ACOT12: variants seen among roughly 807,000 people sequenced by gnomAD.
ACOT12 encodes acetyl-coenzyme A thioesterase.
In ACOT12, 51 loss-of-function variants were observed where a neutral mutation model predicts 67.7. That is an observed-to-expected ratio of 0.75 (90% confidence interval 0.60 to 0.95). The LOEUF is 0.95. ACOT12 is among the 40% of genes least tolerant of loss of function. ACOT12 has a pLI of 0.00. For synonymous variants in ACOT12, 251 were observed against 244.6 expected (o/e 1.03, Z -0.24); for missense variants, 734 against 708.1 (o/e 1.04, Z -0.41).
At chr5:81,328,741 G>T (rs936461798), downstream of ACOT12, among the ~76,000 whole-genome samples, 9 of 152,132 alleles carry the variant, frequency 5.9e-5, no homozygotes, top group Admixed American at 3.3e-4. Flanking sequence ...TTTAAAAAAG[G>T]GGTAGAAGGG....
chr5:81,316,258 G>C, the ACOT12 span, among the ~76,000 whole-genome samples: 1 of 152,140 alleles, frequency 6.6e-6, no homozygotes, highest in Non-Finnish European at 1.5e-5. Flanking sequence ...TTAATTCCAG[G>C]ACATGTTATC....
At chr5:81,321,681 C>T in the ACOT12 span, among the ~76,000 whole-genome samples, 1 of 152,130 alleles carries the variant, frequency 6.6e-6, no homozygotes, top group East Asian at 1.9e-4. Context: ...TGCAGTGGCT[C>T]ACGCCTATAA....
At chr5:81,374,028 G>A (rs953701438) in intron 2 of ACOT12, among the ~76,000 whole-genome samples, 1 of 152,192 alleles carries the variant, frequency 6.6e-6, no homozygotes, top group African/African-American at 2.4e-5. Context: ...CCAGACCCCC[G>A]TGTATCCTGA....
intron 5 of ACOT12, among the ~76,000 whole-genome samples, chr5:81,349,158 A>C (rs1759477574): frequency 6.6e-6 from 1 of 152,206 alleles, no homozygotes; most frequent in African/African-American, 2.4e-5. Flanking sequence ...CGGCATAGTC[A>C]CATCTGGTGA....
chr5:81,382,659 G>C (rs1350057125), intron 2 of ACOT12, among the ~76,000 whole-genome samples: 3 of 152,042 alleles, frequency 2.0e-5, no homozygotes, highest in Non-Finnish European at 4.4e-5. Context: ...AAATTAGCTG[G>C]GTGTTGTGGC....
At chr5:81,349,553 C>T (rs1326596162) in intron 5 of ACOT12, among the ~76,000 whole-genome samples, 1 of 152,182 alleles carries the variant, frequency 6.6e-6, no homozygotes, top group Non-Finnish European at 1.5e-5. Context: ...TTGGTCATTA[C>T]TTCCTCAGTG....
chr5:81,355,094 T>A (rs915970901), intron 5 of ACOT12, among the ~76,000 whole-genome samples: 5 of 152,188 alleles, frequency 3.3e-5, no homozygotes, highest in Non-Finnish European at 1.5e-5. Context: ...GGCTATTTCT[T>A]TCATCCTTTA....
chr5:81,372,588 G>C (rs1760287482), intron 2 of ACOT12, among the ~76,000 whole-genome samples: 1 of 152,102 alleles, frequency 6.6e-6, no homozygotes, highest in South Asian at 2.1e-4. Flanking sequence ...CATCAGCTCT[G>C]TTCTCTTTTC....
intron 3 of ACOT12, among the ~76,000 whole-genome samples, chr5:81,365,341 A>G (rs1240490482): frequency 1.3e-5 from 2 of 152,240 alleles, no homozygotes; most frequent in African/African-American, 4.8e-5. Context: ...AATGCAAATT[A>G]GTATTTACAT....
downstream of ACOT12, among the ~76,000 whole-genome samples, chr5:81,327,790 A>G (rs1758710075): frequency 6.6e-6 from 1 of 152,214 alleles, no homozygotes; most frequent in African/African-American, 2.4e-5. Flanking sequence ...GAAGCACTTG[A>G]AAACCCTTAC....
At chr5:81,339,948 C>T (rs1759135995) in intron 11 of ACOT12, among the ~76,000 whole-genome samples, 2 of 151,906 alleles carry the variant, frequency 1.3e-5, no homozygotes, top group Non-Finnish European at 2.9e-5. Context: ...TGGCCTCAAA[C>T]TCCTAGGCTC....
chr5:81,325,141 T>C (rs1358585225), downstream of ACOT12, among the ~76,000 whole-genome samples: 1 of 152,160 alleles, frequency 6.6e-6, no homozygotes, highest in African/African-American at 2.4e-5. Flanking sequence ...ATTTCATCCA[T>C]TATAACAGAA....
intron 14 of ACOT12, 55 bp downstream of exon 14, chr5:81,330,759 G>A (rs1336029332): frequency 6.3e-7 from 1 of 1,591,730 alleles, no homozygotes; most frequent in Non-Finnish European, 8.5e-7. Context: ...TAAATTAAGA[G>A]ATTTTTCGCT....
At chr5:81,360,619 C>T (rs1279934159) in intron 4 of ACOT12, among the ~76,000 whole-genome samples, 1 of 152,182 alleles carries the variant, frequency 6.6e-6, no homozygotes, top group African/African-American at 2.4e-5. Flanking sequence ...GGCAACAGAA[C>T]CAAGAGCTCA....
chr5:81,331,081 C>G, intron 13 of ACOT12, 141 bp from the exon 14 acceptor site: 2 of 937,512 alleles, frequency 2.1e-6, no homozygotes, highest in Non-Finnish European at 3.0e-6. Context: ...GTGGTCTCAT[C>G]AGAAAACACT....
intron 2 of ACOT12, among the ~76,000 whole-genome samples, chr5:81,377,704 A>T (rs1760462423): frequency 6.6e-6 from 1 of 152,202 alleles, no homozygotes; most frequent in Non-Finnish European, 1.5e-5. Context: ...TAACAGACAA[A>T]CAGCCAAATC....
At chr5:81,331,204 T>C (rs1489803166) in intron 13 of ACOT12, among the ~76,000 whole-genome samples, 1 of 152,228 alleles carries the variant, frequency 6.6e-6, no homozygotes, top group East Asian at 1.9e-4. Context: ...AGTTTTATTG[T>C]GCCCGACAGG....
chr5:81,358,050 T>C (rs945599072), intron 5 of ACOT12, among the ~76,000 whole-genome samples: 119 of 145,186 alleles, frequency 8.2e-4, no homozygotes, highest in African/African-American at 2.7e-3. Flanking sequence ...GAAAAACAAC[T>C]GTATTTTGAC....
chr5:81,340,619 C>T (rs1759164219), intron 11 of ACOT12, among the ~76,000 whole-genome samples: 1 of 152,178 alleles, frequency 6.6e-6, no homozygotes, highest in Non-Finnish European at 1.5e-5. Flanking sequence ...CTCGGCCTCC[C>T]AAAGTGTTGG....
Sources: gnomAD v4.1 joint callset for allele counts (sites outside exome capture counted in the v4.1 genomes callset) on GRCh38, gnomAD v4.1.1 for gene constraint, MANE v1.5 for transcripts, NCBI Gene and HGNC (gene_info 2026-07-23, HGNC 2026-07-21) for gene names.